The following ERI3 variants were observed in gnomAD, a reference collection of about 807,000 sequenced individuals.
ERI3 encodes the protein ERI1 exoribonuclease 3.
A neutral mutation model predicts 44.4 loss-of-function variants in ERI3; 18 were observed. The ratio of observed to expected loss-of-function variants is 0.41; its 90% CI spans 0.28 to 0.60. ERI3 has a LOEUF of 0.60. Ranked by LOEUF, ERI3 falls within the 20% of genes least tolerant of loss-of-function variation. ERI3 has a pLI of 0.36. For synonymous variants in ERI3, 183 were observed against 164.8 expected (o/e 1.11, Z -0.84); for missense variants, 294 against 435.5 (o/e 0.68, Z 2.89).
intron 7 of ERI3, among the ~76,000 whole-genome samples, chr1:44,274,094 C>T (rs1345515371): frequency 6.6e-6 from 1 of 152,192 alleles, no homozygotes; most frequent in African/African-American, 2.4e-5. Context: ...TTTAAGAGTT[C>T]CTCTCCTGGC....
At chr1:44,297,934 C>T (rs1161292823) in intron 6 of ERI3, among the ~76,000 whole-genome samples, 1 of 152,192 alleles carries the variant, frequency 6.6e-6, no homozygotes, top group Admixed American at 6.5e-5. Flanking sequence ...TCACCCGTAC[C>T]AATATCAGCA....
chr1:44,234,075 T>C (rs1456578296), intron 8 of ERI3, among the ~76,000 whole-genome samples: 1 of 152,180 alleles, frequency 6.6e-6, no homozygotes, highest in African/African-American at 2.4e-5. Flanking sequence ...TCCCTTTCTT[T>C]TGATCACCTC....
intron 7 of ERI3, among the ~76,000 whole-genome samples, chr1:44,270,158 A>AC (rs1645061747): frequency 1.3e-5 from 2 of 152,050 alleles, no homozygotes; most frequent in Admixed American, 1.3e-4. Context: ...AAGGGGAAAA[A>AC]ACACACACAC....
At chr1:44,284,706 G>T in intron 7 of ERI3, 129 bp downstream of exon 7, 1 of 705,848 alleles carries the variant, frequency 1.4e-6, no homozygotes. Context: ...GGAAAAGGAT[G>T]AAGTTAAGAA....
chr1:44,351,051 T>G (rs1390588149), intron 2 of ERI3, among the ~76,000 whole-genome samples: 1 of 151,904 alleles, frequency 6.6e-6, no homozygotes, highest in Non-Finnish European at 1.5e-5. Flanking sequence ...TTTTTTTTTT[T>G]GAGACAGAGT....
intron 7 of ERI3, among the ~76,000 whole-genome samples, chr1:44,258,465 C>T (rs1644823480): frequency 6.6e-6 from 1 of 152,120 alleles, no homozygotes; most frequent in African/African-American, 2.4e-5. Context: ...ACATTCATCC[C>T]AGATCCCCCT....
At chr1:44,319,806 T>C (rs1424738094) in intron 3 of ERI3, 62 bp from the exon 4 acceptor site, 2 of 1,206,046 alleles carry the variant, frequency 1.7e-6, no homozygotes, top group Non-Finnish European at 2.5e-6. Context: ...TTTCCAACAG[T>C]AGCTCCAAGT....
chr1:44,281,878 A>ATGTGTGTGTGTGTGTG (rs10574197), intron 7 of ERI3, among the ~76,000 whole-genome samples: 30 of 127,020 alleles, frequency 2.4e-4, no homozygotes, highest in East Asian at 1.9e-3. Context: ...ACATGTGCAT[A>ATGTGTGTGTGTGTGTG]TGTGTGTGTG....
intron 5 of ERI3, 150 bp downstream of exon 5, chr1:44,313,019 C>T (rs1182883462): frequency 2.6e-5 from 19 of 741,694 alleles, no homozygotes; most frequent in Non-Finnish European, 4.8e-6. Context: ...GTTCAATACT[C>T]TCAACAGCAT....
chr1:44,221,470 T>C lies in ERI3; in HGVS notation c.*88A>G. On this transcript the variant is annotated 3_prime_UTR_variant, in exon 9 of 9. Coordinates refer to ENST00000372257, the MANE Select transcript of ERI3 (RefSeq NM_024066.3). This position sits in a 1 kb window ranked among gnomAD's most constrained non-coding sequence, Gnocchi z 5.9. ...CACTCTGGACACAGAGCTATGCCAC[T>C]CTCCCTCTTCCCCTCTGGTGAGGGA... The C allele has an allele frequency of 1.8e-6, 2 of 1,104,666 alleles. No homozygotes were observed. The highest frequency in any genetic ancestry group is 2.4e-5 in the East Asian group (1 of 42,112). The allele number at this position is 1,104,666 out of a possible 1,614,324, so 68.4% of individuals were successfully genotyped here.
chr1:44,273,412 C>G (rs1645124520), intron 7 of ERI3, among the ~76,000 whole-genome samples: 1 of 152,236 alleles, frequency 6.6e-6, no homozygotes, highest in Non-Finnish European at 1.5e-5. Context: ...CTCTTCCTGG[C>G]TATGTGCCTT....
chr1:44,237,206 C>T (rs1271169741), intron 8 of ERI3, among the ~76,000 whole-genome samples: 3 of 152,170 alleles, frequency 2.0e-5, no homozygotes, highest in South Asian at 2.1e-4. Context: ...GCAACATTGA[C>T]GTGCCTCAGC....
intron 7 of ERI3, among the ~76,000 whole-genome samples, chr1:44,254,354 C>T (rs967262796): frequency 1.3e-5 from 2 of 152,194 alleles, no homozygotes; most frequent in Admixed American, 1.3e-4. Context: ...AACCTTCTAG[C>T]TTTTGTTTGC....
chr1:44,330,758 G>A (rs1260464809), intron 3 of ERI3, among the ~76,000 whole-genome samples: 1 of 152,046 alleles, frequency 6.6e-6, no homozygotes, highest in East Asian at 1.9e-4. Flanking sequence ...AAGAATGTGG[G>A]GGTTTTTTAA....
At position 44,308,530 on chromosome 1, in the gene ERI3, T is replaced by C. The variant is rs755558422; in HGVS notation, c.667-129A>G. 1.3e-5 allele frequency: 10 copies of C among 766,736 alleles called. No individual in the cohort carries two copies. The Admixed American group carries it at 1.5e-4, about 11-fold the overall frequency. The allele number at this position is 766,736 out of a possible 1,614,324, so 47.5% of individuals were successfully genotyped here. On this transcript the variant is annotated intron_variant, in intron 5 of 8. Coordinates refer to ENST00000372257, the MANE Select transcript of ERI3 (RefSeq NM_024066.3). Reference sequence around the variant, plus strand: ...AGAAAATTGTAATCTTATCCAGCCATGGCTCCACTGTGGGCTCTCAGGCTT... The same window carrying C: ...AGAAAATTGTAATCTTATCCAGCCACGGCTCCACTGTGGGCTCTCAGGCTT...
chr1:44,322,855 A>C (rs1469922293), intron 3 of ERI3: 1 of 1,547,906 alleles, frequency 6.5e-7, no homozygotes, highest in East Asian at 2.4e-5. Context: ...GGGCACCTGA[A>C]GCATGACAAA....
At chr1:44,294,586 C>T (rs575081741) in intron 6 of ERI3, among the ~76,000 whole-genome samples, 73 of 152,348 alleles carry the variant, frequency 4.8e-4, no homozygotes, top group Non-Finnish European at 8.5e-4. Flanking sequence ...AGGCACAGTG[C>T]CCCATCTGTC....
intron 7 of ERI3, among the ~76,000 whole-genome samples, chr1:44,264,419 C>T (rs1362550253): frequency 1.3e-5 from 2 of 152,198 alleles, no homozygotes; most frequent in Non-Finnish European, 2.9e-5. Flanking sequence ...CACAGTTACA[C>T]AAGTTATCAT....
chr1:44,288,668 C>G (rs975591019), intron 6 of ERI3, among the ~76,000 whole-genome samples: 1 of 152,196 alleles, frequency 6.6e-6, no homozygotes, highest in South Asian at 2.1e-4. Context: ...TCTGACTGCA[C>G]AGGCATAAGC....
Sources: allele counts gnomAD v4.1 joint callset (sites outside exome capture counted in the v4.1 genomes callset), GRCh38; gene constraint gnomAD v4.1.1; non-coding constraint Gnocchi (gnomAD v3.1); transcripts MANE v1.5; gene names NCBI Gene and HGNC (gene_info 2026-07-23, HGNC 2026-07-21).